TCF20: variants seen among roughly 807,000 people sequenced by gnomAD.
TCF20 encodes the protein SPRE-binding protein.
A neutral mutation model predicts 148.6 loss-of-function variants in TCF20; 3 were observed. The ratio of observed to expected loss-of-function variants is 0.02; its 90% confidence interval spans 0.01 to 0.05. The LOEUF is 0.05. TCF20 is among the 10% of genes least tolerant of loss of function. TCF20 has a pLI of 1.00. For missense variants in TCF20, 2,350 were observed against 2,429.3 expected, an observed-to-expected ratio of 0.97 and a Z score of 0.69; for synonymous variants, 1,049 against 909.5, an observed-to-expected ratio of 1.15 and a Z score of -2.76.
At position 42,338,482 on chromosome 22, in the gene TCF20, C is replaced by T. The variant is rs1031179084; in HGVS notation, c.-37+4997G>A. ...CTCCCGGCAGCCCGGCCTGCAGGGG[C>T]CACTCGGCCAATCCCGAAGAGCTCG... On this transcript the variant is annotated intron_variant, in intron 1 of 1. Coordinates refer to the TCF20 transcript ENST00000515426. The surrounding 1 kb of genome is among the most constrained non-coding windows in gnomAD (Gnocchi z 4.0). 6.6e-6 allele frequency among the ~76,000 whole-genome samples: 1 copy of T among 152,230 alleles called. No individual in the cohort carries two copies. Among genetic ancestry groups the T allele is most frequent in the African/African-American group, 2.4e-5 (1 of 41,462 alleles).
intron 2 of TCF20, among the ~76,000 whole-genome samples, chr22:42,206,964 TGA>T (rs1938427949): frequency 6.6e-6 from 1 of 151,902 alleles, no homozygotes; most frequent in Non-Finnish European, 1.5e-5. Flanking sequence ...GCTGGAAACA[TGA>T]GAGATGAAGT....
chr22:42,314,099 C>G (rs1181576129), intron 1 of TCF20, among the ~76,000 whole-genome samples: 1 of 152,366 alleles, frequency 6.6e-6, no homozygotes, highest in Non-Finnish European at 1.5e-5. Flanking sequence ...ACAGGCTCAG[C>G]AGGGAGCCCC....
chr22:42,283,874 G>A (rs1013317125), exon 1 of TCF20, among the ~76,000 whole-genome samples: 1 of 152,226 alleles, frequency 6.6e-6, no homozygotes, highest in Non-Finnish European at 1.5e-5. Context: ...CCCCTTGCCA[G>A]CCCGGCGACC....
chr22:42,196,368 G>C (rs1937600849), intron 2 of TCF20, among the ~76,000 whole-genome samples: 1 of 152,170 alleles, frequency 6.6e-6, no homozygotes, highest in Admixed American at 6.5e-5. Flanking sequence ...TGAAGAGGAG[G>C]GAGACACAAA....
At chr22:42,270,163 C>G (rs528265674) in intron 1 of TCF20, 176 bp downstream of exon 1, 1 of 152,364 alleles carries the variant, frequency 6.6e-6, no homozygotes, top group East Asian at 1.9e-4. Flanking sequence ...TCGGGCCGGG[C>G]AGCAACACTC....
At chr22:42,189,563 T>C (rs1937221318) in intron 2 of TCF20, among the ~76,000 whole-genome samples, 1 of 152,244 alleles carries the variant, frequency 6.6e-6, no homozygotes, top group Non-Finnish European at 1.5e-5. Flanking sequence ...GGGTTTTGAG[T>C]AAACTGATTG....
intron 1 of TCF20, among the ~76,000 whole-genome samples, chr22:42,323,996 AGGTGGTGGCGGAGGTTAT>A (rs1927805693): frequency 1.1e-4 from 1 of 8,812 alleles, no homozygotes; most frequent in Non-Finnish European, 1.8e-4. Context: ...ATGGTGGTGG[AGGTGGTGGCGGAGGTTAT>A]GGTGGTGGTG....
intron 5 of TCF20, among the ~76,000 whole-genome samples, chr22:42,162,865 A>T (rs1033835635): frequency 6.6e-6 from 1 of 152,206 alleles, no homozygotes; most frequent in Non-Finnish European, 1.5e-5. Flanking sequence ...TTGCCCAAGG[A>T]GGTTCCTGAC....
rs1923012705 is a variant in TCF20, at chr22:42,227,418, TGA to T, written c.-36-12079_-36-12078del. Among the ~76,000 whole-genome samples the T allele has an allele frequency of 2.6e-5, 4 of 152,340 alleles. No individual in the cohort carries two copies. In the South Asian group the frequency reaches 8.3e-4, roughly 32 times the overall value. On this transcript the variant is annotated intron_variant, in intron 1 of 5. Coordinates refer to ENST00000677622, the MANE Select transcript of TCF20 (RefSeq NM_001378418.1). ...CTCCATTATCTTTTCCTGACCCCTTTGAGAGCAGGCTGAAGGCATGAAGCTCC... is the reference window on the plus strand; with the variant it reads ...CTCCATTATCTTTTCCTGACCCCTTTGAGCAGGCTGAAGGCATGAAGCTCC...
intron 2 of TCF20, among the ~76,000 whole-genome samples, chr22:42,196,057 T>C (rs1937589707): frequency 6.6e-6 from 1 of 152,216 alleles, no homozygotes; most frequent in Admixed American, 6.5e-5. Context: ...GCTGGGCATT[T>C]GCATAAGTGC....
At position 42,259,924 on chromosome 22, in the gene TCF20, G is replaced by A. The variant is rs12158663; in HGVS notation, c.-37+10415C>T. On this transcript the variant is annotated intron_variant, in intron 1 of 5. Transcript: ENST00000677622. ...GAAGCCAGGAGTTCAAGACCAGCCT[G>A]GGCAAAGTGAGACCCTTGTCTCTAT... is the stretch of plus-strand genomic sequence containing the variant. 2.9e-3 allele frequency among the ~76,000 whole-genome samples: 438 copies of A among 152,140 alleles called. 3 individuals carry two copies. The highest frequency in any genetic ancestry group is 9.9e-3 in the African/African-American group (409 of 41,478).
At chr22:42,280,663 G>A (rs866569971) in intron 1 of TCF20, among the ~76,000 whole-genome samples, 7 of 152,180 alleles carry the variant, frequency 4.6e-5, no homozygotes, top group South Asian at 4.1e-4. Context: ...TACCAGACAC[G>A]ATGACCATCT....
chr22:42,232,803 AAG>A (rs1491391547), intron 1 of TCF20, among the ~76,000 whole-genome samples: 4 of 127,934 alleles, frequency 3.1e-5, no homozygotes, highest in Non-Finnish European at 5.2e-5. Context: ...CGTCTCCAAA[AAG>A]AAAAAAAAAA....
At position 42,210,115 on chromosome 22, in the gene TCF20, C is replaced by A; in HGVS notation, c.5191G>T (p.Ala1731Ser). ...FGPFYPQDYA[A>S]TLPKNPPPKR... is the part of the protein sequence containing the mutation. ...GGAGGTGGATTCTTCGGGAGAGTGG[C>A]TGCATAATCTTGGGGATAAAAAGGT... Residue 1731 changes from alanine to serine, a missense_variant, in exon 2 of 6, where the codon GCC becomes TCC. By Grantham distance (99) the Ala-to-Ser change is moderately conservative (BLOSUM62 1). Coordinates refer to ENST00000677622, the MANE Select transcript of TCF20 (RefSeq NM_001378418.1). The surrounding 1 kb of genome is among the most constrained non-coding windows in gnomAD (Gnocchi z 4.7). The A allele has an allele frequency of 1.2e-6, 2 of 1,614,164 alleles. No homozygotes were observed. Among genetic ancestry groups the A allele is most frequent in the Non-Finnish European group, 1.7e-6 (2 of 1,180,048 alleles).
intron 1 of TCF20, among the ~76,000 whole-genome samples, chr22:42,341,329 G>A (rs544372556): frequency 6.6e-5 from 10 of 152,266 alleles, no homozygotes; most frequent in Admixed American, 2.0e-4. Context: ...CCTGGCGCTC[G>A]GCCAGAGGGC....
At chr22:42,237,984 A>C (rs1924031665) in intron 1 of TCF20, among the ~76,000 whole-genome samples, 1 of 152,194 alleles carries the variant, frequency 6.6e-6, no homozygotes, top group African/African-American at 2.4e-5. Context: ...CACTGGCATC[A>C]ACCTAAATTC....
chr22:42,199,823 C>T (rs569373955), intron 2 of TCF20, among the ~76,000 whole-genome samples: 1 of 146,920 alleles, frequency 6.8e-6, no homozygotes, highest in East Asian at 2.0e-4. Flanking sequence ...GCACTCCAGA[C>T]TGGGCAAGAG....
upstream of TCF20, among the ~76,000 whole-genome samples, chr22:42,288,596 C>T (rs1292360678): frequency 1.3e-5 from 2 of 149,262 alleles, no homozygotes; most frequent in African/African-American, 2.5e-5. Context: ...CCCAGCTACT[C>T]GTGAGATTGA....
At chr22:42,334,001 G>A (rs374373751) in intron 1 of TCF20, among the ~76,000 whole-genome samples, 2 of 152,272 alleles carry the variant, frequency 1.3e-5, no homozygotes. Flanking sequence ...TTCCAGATGA[G>A]CCACCAGATA....
Sources: allele counts gnomAD v4.1 joint callset (sites outside exome capture counted in the v4.1 genomes callset), GRCh38; gene constraint gnomAD v4.1.1; non-coding constraint Gnocchi (gnomAD v3.1); transcripts MANE v1.5; gene names NCBI Gene and HGNC (gene_info 2026-07-23, HGNC 2026-07-21).